ELFN2: variants seen among roughly 807,000 people sequenced by gnomAD.
ELFN2 encodes protein phosphatase 1 regulatory subunit 29.
ELFN2 carries 17 observed loss-of-function variants against 45.5 expected under a neutral mutation model. The observed-to-expected ratio is 0.37, with a 90% confidence interval of 0.26 to 0.56. ELFN2 has a LOEUF of 0.56. Among genes scored for constraint, ELFN2 ranks in the 20% least tolerant of loss-of-function variants. The pLI is 0.77. For synonymous variants in ELFN2, 550 were observed against 551.5 expected (o/e 1.00, Z 0.04); for missense variants, 922 against 1,183.2 (o/e 0.78, Z 3.24).
chr22:37,395,603 C>T (rs912613071), intron 2 of ELFN2, among the ~76,000 whole-genome samples: 1 of 152,190 alleles, frequency 6.6e-6, no homozygotes, highest in African/African-American at 2.4e-5. Flanking sequence ...GGCTCTGTGG[C>T]AGCCAGGAGC....
rs545789531 is a variant in ELFN2, at chr22:37,370,578, G to A, written c.*2494C>T. 46 of 152,908 alleles carry A rather than the reference G, an allele frequency of 3.0e-4. No individual in the cohort carries two copies. The highest frequency in any genetic ancestry group is 1.1e-3 in the African/African-American group (45 of 41,592). 9.5% of individuals were successfully genotyped at this position (152,908 alleles called of 1,614,324 possible). ...TGGGGCTGCCCTCCCTGGCATGGAG[G>A]AGGGGAAGGAACTGGGGACAAGGGA... On this transcript the variant is annotated 3_prime_UTR_variant, in exon 3 of 3. Coordinates refer to ENST00000402918, the MANE Select transcript of ELFN2 (RefSeq NM_052906.5).
At position 37,375,789 on chromosome 22, in the gene ELFN2, G is replaced by A; in HGVS notation, c.-255C>T. On this transcript the variant is annotated 5_prime_UTR_variant, in exon 3 of 3. Transcript: ENST00000402918. ...GCTCCCCACCGCAGCGTTGCTCCTT[G>A]TCTCCTGCTAGGAAGGTGCAAGGGT... 2 of 552,130 alleles carry A rather than the reference G, an allele frequency of 3.6e-6. No homozygotes were observed. Among genetic ancestry groups the A allele is most frequent in the Non-Finnish European group, 6.5e-6 (2 of 306,148 alleles). 34.2% of individuals were successfully genotyped at this position (552,130 alleles called of 1,614,324 possible).
At chr22:37,347,279 T>C (rs1930720487) in intron 1 of ELFN2, among the ~76,000 whole-genome samples, 1 of 152,084 alleles carries the variant, frequency 6.6e-6, no homozygotes, top group African/African-American at 2.4e-5. Flanking sequence ...ACGCCTGGCC[T>C]CCCATCTTCA....
intron 1 of ELFN2, among the ~76,000 whole-genome samples, chr22:37,346,546 A>G (rs1930700101): frequency 6.6e-6 from 1 of 152,140 alleles, no homozygotes; most frequent in Admixed American, 6.6e-5. Flanking sequence ...CAGTTTGGAG[A>G]TACAATTTGG....
At position 37,373,173 on chromosome 22, in the gene ELFN2, C is replaced by T. The variant is rs1438705351; in HGVS notation, c.2362G>A (p.Ala788Thr). ...ACCTTCTTGCGCAGGGCGTGACCGG[C>T]GGCCATGTACACCTCCTCCCGGTGG... ...KHHREEVYMA[A>T]GHALRKKVQF... Residue 788 changes from alanine (A) to threonine (T), a missense_variant, in exon 3 of 3, where the codon GCC becomes ACC. Ala to Thr is a moderately conservative substitution (Grantham distance 58). Coordinates refer to ENST00000402918, the MANE Select transcript of ELFN2 (RefSeq NM_052906.5). 2 of 1,613,692 alleles carry T rather than the reference C, an allele frequency of 1.2e-6. No individual in the cohort carries two copies. Among genetic ancestry groups the T allele is most frequent in the Non-Finnish European group, 1.7e-6 (2 of 1,180,004 alleles).
At chr22:37,405,459 T>C (rs1198438441) in intron 2 of ELFN2, among the ~76,000 whole-genome samples, 1 of 152,026 alleles carries the variant, frequency 6.6e-6, no homozygotes. Context: ...ATGGGGTCAC[T>C]GTAAACATGA....
chr22:37,365,224 C>A (rs1931177321), downstream of ELFN2, among the ~76,000 whole-genome samples: 3 of 152,318 alleles, frequency 2.0e-5, no homozygotes, highest in Middle Eastern at 3.4e-3. Context: ...CCAAACCCTG[C>A]AGCCACAAGG....
chr22:37,378,165 G>A lies in ELFN2; in HGVS notation c.-462-2169C>T, dbSNP rs549084529. ...GTCAAGGATGGGCGGGCAGGCGCGT[G>A]TGCACACGTCCTCTGCATCAGCTTC... On this transcript the variant is annotated intron_variant, in intron 2 of 2. Transcript: ENST00000402918. Among the ~76,000 whole-genome samples the A allele has an allele frequency of 2.0e-5, 3 of 152,356 alleles. No individual in the cohort carries two copies. In the South Asian group the frequency reaches 6.2e-4, roughly 32 times the overall value.
At chr22:37,383,934 G>A (rs770684027) in intron 2 of ELFN2, among the ~76,000 whole-genome samples, 5 of 152,162 alleles carry the variant, frequency 3.3e-5, no homozygotes, top group Non-Finnish European at 7.4e-5. Flanking sequence ...GGGCAAGTCA[G>A]CACCTCATTT....
In ELFN2 at chr22:37,402,571, G is replaced by A. The variant is rs572379611; in HGVS notation, c.-463+15198C>T. Among the ~76,000 whole-genome samples, 6 of 152,208 alleles carry A rather than the reference G, an allele frequency of 3.9e-5. No homozygotes were observed. The East Asian group carries it at 1.2e-3, about 29-fold the overall frequency. Reference sequence around the variant, plus strand: ...TAAGGAAACCGAGGCTCATGAGGGGGGCAGCAACTTGCCCACAGTTCCCAA... The same window carrying A: ...TAAGGAAACCGAGGCTCATGAGGGGAGCAGCAACTTGCCCACAGTTCCCAA... On this transcript the variant is annotated intron_variant, in intron 2 of 2. Coordinates refer to ENST00000402918, the MANE Select transcript of ELFN2 (RefSeq NM_052906.5).
Position 37,401,182 on chromosome 22 carries a change from C to T in ELFN2, c.-463+16587G>A, listed in dbSNP as rs370030576. Among the ~76,000 whole-genome samples, 55 of 152,352 alleles carry T rather than the reference C, an allele frequency of 3.6e-4. 1 individual carries two copies. In the South Asian group the frequency reaches 0.011, roughly 30 times the overall value. ...ACCTAGCTCTCAGGCCTATTGGAGACAAAGGGTCTCCAAAAAGCAGGTCAA... is the reference window on the plus strand; with the variant it reads ...ACCTAGCTCTCAGGCCTATTGGAGATAAAGGGTCTCCAAAAAGCAGGTCAA... On this transcript the variant is annotated intron_variant, in intron 2 of 2. Transcript: ENST00000402918.
chr22:37,414,168 C>CA (rs1009864121), intron 2 of ELFN2, among the ~76,000 whole-genome samples: 68 of 150,794 alleles, frequency 4.5e-4, no homozygotes, highest in Admixed American at 2.2e-3. Flanking sequence ...GAGAACAAGA[C>CA]AAAAAAAAAG....
At chr22:37,382,600 AGTGCAGTGGCACG>A (rs1167935972) in intron 2 of ELFN2, among the ~76,000 whole-genome samples, 7 of 134,020 alleles carry the variant, frequency 5.2e-5, no homozygotes, top group Non-Finnish European at 1.5e-5. Flanking sequence ...CCCAGGCTGG[AGTGCAGTGGCACG>A]ATCTCGGCTC....
intron 1 of ELFN2, among the ~76,000 whole-genome samples, chr22:37,360,204 C>T (rs1465895452): frequency 6.6e-6 from 1 of 152,168 alleles, no homozygotes; most frequent in Non-Finnish European, 1.5e-5. Context: ...GCCCTAAGTT[C>T]ATAGTCTGGC....
chr22:37,357,959 C>A (rs739189), intron 1 of ELFN2, among the ~76,000 whole-genome samples: 36,179 of 152,112 alleles, frequency 0.24, 4,889 homozygotes, highest in South Asian at 0.45. Flanking sequence ...CCACAGCCAA[C>A]CTTCTCTTTG....
intron 2 of ELFN2, among the ~76,000 whole-genome samples, chr22:37,394,332 G>A (rs1039269371): frequency 3.3e-5 from 5 of 152,124 alleles, no homozygotes; most frequent in Admixed American, 6.5e-5. Context: ...CCCTCTGCTC[G>A]GCTCGGGTGC....
At chr22:37,343,581 C>G (rs1434293645) in intron 1 of ELFN2, among the ~76,000 whole-genome samples, 2 of 152,114 alleles carry the variant, frequency 1.3e-5, no homozygotes, top group Admixed American at 6.5e-5. Context: ...CCGAGCCTGT[C>G]TTGCTCCCTC....
chr22:37,404,309 G>A lies in ELFN2; in HGVS notation c.-463+13460C>T, dbSNP rs569200461. On this transcript the variant is annotated intron_variant, in intron 2 of 2. Coordinates refer to ENST00000402918, the MANE Select transcript of ELFN2 (RefSeq NM_052906.5). Reference sequence around the variant, plus strand: ...GGCTGCAACGAGACGGGCCTGGAGGGTGACTTGGTGCAGGCAAGGACAGCA... The same window carrying A: ...GGCTGCAACGAGACGGGCCTGGAGGATGACTTGGTGCAGGCAAGGACAGCA... Among the ~76,000 whole-genome samples, 156 of 152,268 alleles carry A rather than the reference G, an allele frequency of 1.0e-3. 1 individual carries two copies. Among genetic ancestry groups the A allele is most frequent in the African/African-American group, 3.5e-3 (146 of 41,548 alleles).
intron 1 of ELFN2, among the ~76,000 whole-genome samples, chr22:37,421,277 G>A (rs1195705874): frequency 6.6e-6 from 1 of 152,200 alleles, no homozygotes; most frequent in Non-Finnish European, 1.5e-5. Context: ...GGGGTAGGCA[G>A]GACCTCTTTC....
Sources: gnomAD v4.1 joint callset for allele counts (sites outside exome capture counted in the v4.1 genomes callset) on GRCh38, gnomAD v4.1.1 for gene constraint, MANE v1.5 for transcripts, NCBI Gene and HGNC (gene_info 2026-07-23, HGNC 2026-07-21) for gene names.